The following DAP3 variants were observed in gnomAD, a reference collection of about 807,000 sequenced individuals.
The protein encoded by DAP3 is death associated protein 3.
Under a neutral mutation model 51.9 loss-of-function variants are expected in DAP3, and 28 were observed. The observed-to-expected ratio is 0.54, with a 90% CI of 0.40 to 0.74. DAP3 has a LOEUF of 0.74. DAP3 is among the 30% of genes least tolerant of loss of function. DAP3 has a pLI of 0.00. For synonymous variants in DAP3, 170 were observed against 170.3 expected (o/e 1.00, Z 0.01); for missense variants, 458 against 483.5 (o/e 0.95, Z 0.49).
chr1:155,688,678 A>G (rs1359994954), upstream of DAP3: 2 of 1,531,004 alleles, frequency 1.3e-6, no homozygotes, highest in Admixed American at 2.0e-5. Flanking sequence ...CGCGAGCCCA[A>G]GCCTTCTCCA....
intron 1 of DAP3, among the ~76,000 whole-genome samples, chr1:155,699,344 G>A (rs569952479): frequency 2.0e-5 from 3 of 152,288 alleles, no homozygotes; most frequent in South Asian, 2.1e-4. Flanking sequence ...TCAGAGGAGC[G>A]TCTTTCTTCT....
chr1:155,718,647 C>T (rs977013675), intron 3 of DAP3, among the ~76,000 whole-genome samples: 5 of 150,168 alleles, frequency 3.3e-5, no homozygotes, highest in Non-Finnish European at 5.9e-5. Context: ...GATCGTGCTA[C>T]TGCACTCCAG....
chr1:155,692,604 C>T (rs1479275570), intron 1 of DAP3, among the ~76,000 whole-genome samples: 1 of 142,088 alleles, frequency 7.0e-6, no homozygotes, highest in African/African-American at 3.2e-5. Context: ...CAGTCCCAGG[C>T]AGGAGAGTTA....
intron 1 of DAP3, among the ~76,000 whole-genome samples, chr1:155,694,280 G>A (rs1233924156): frequency 1.4e-5 from 2 of 141,226 alleles, no homozygotes; most frequent in Non-Finnish European, 2.9e-5. Context: ...TGGGTGAGAG[G>A]GCCCTTGAGT....
At chr1:155,693,101 A>G (rs1445754863) in intron 1 of DAP3, among the ~76,000 whole-genome samples, 1 of 141,688 alleles carries the variant, frequency 7.1e-6, no homozygotes, top group Admixed American at 6.6e-5. Context: ...GAGGCTTTCC[A>G]AGGTCTATTG....
Position 155,697,349 on chromosome 1 carries a change from G to A in DAP3, c.-8+8175G>A, listed in dbSNP as rs113021392. On this transcript the variant is annotated intron_variant, in intron 1 of 12. Coordinates refer to ENST00000368336, the MANE Select transcript of DAP3 (RefSeq NM_004632.4). The stretch of plus-strand genomic sequence containing the variant: ...TTTTCTGTGTAGGTTTAGGGAGACC[G>A]GGGGGATTGGTAGAAATCACCTCCG... Among the ~76,000 whole-genome samples the A allele has an allele frequency of 1.1e-4, 17 of 152,280 alleles. 1 individual carries two copies. Among genetic ancestry groups the A allele is most frequent in the African/African-American group, 3.9e-4 (16 of 41,542 alleles).
chr1:155,720,343 A>G (rs1461671040), intron 3 of DAP3, among the ~76,000 whole-genome samples: 1 of 149,680 alleles, frequency 6.7e-6, no homozygotes, highest in East Asian at 1.9e-4. Context: ...AAAAAAAAAA[A>G]AAAAAAAAAG....
At chr1:155,726,109 T>TTTTA in intron 6 of DAP3, 90 bp downstream of exon 6, 1 of 1,114,864 alleles carries the variant, frequency 9.0e-7, no homozygotes, top group Non-Finnish European at 1.3e-6. Flanking sequence ...TTTTCTTTTC[T>TTTTA]TTTCTTTTTT....
Position 155,689,120 on chromosome 1 carries a change from G to T in DAP3, c.-62G>T. 2.8e-6 allele frequency: 3 copies of T among 1,086,720 alleles called. No individual in the cohort carries two copies. The highest frequency in any genetic ancestry group is 4.0e-6 in the Non-Finnish European group (3 of 742,772). The allele number at this position is 1,086,720 out of a possible 1,614,324, so 67.3% of individuals were successfully genotyped here. A position where few individuals can be genotyped will look rare whatever the true frequency, so the allele number is the denominator to read the frequency against. ...TCTCAGGACGGGCGCTTTGGAGCCGGCCCCAGGCAGCGTGTGTCGGTCGCC... is the reference window on the plus strand; with the variant it reads ...TCTCAGGACGGGCGCTTTGGAGCCGTCCCCAGGCAGCGTGTGTCGGTCGCC... On this transcript the variant is annotated 5_prime_UTR_variant, in exon 1 of 13. Transcript: ENST00000368336.
chr1:155,700,829 G>A (rs1322575418), intron 1 of DAP3, among the ~76,000 whole-genome samples: 1 of 102,752 alleles, frequency 9.7e-6, no homozygotes, highest in African/African-American at 4.0e-5. Flanking sequence ...GGGAAGTGAG[G>A]AGCCCCTCTG....
Position 155,732,050 on chromosome 1 carries a change from A to G in DAP3, c.993+17A>G. 6.3e-7 allele frequency: 1 copy of G among 1,596,212 alleles called. No individual in the cohort carries two copies. The highest frequency in any genetic ancestry group is 8.5e-7 in the Non-Finnish European group (1 of 1,170,788). On this transcript the variant is annotated intron_variant, in intron 11 of 12. Transcript: ENST00000368336. Reference sequence around the variant, plus strand: ...CTGGGAAAGGTCAAGTCAAAGGAAAATTTGTTTCTACTTAGATTGTTATCC... The same window carrying G: ...CTGGGAAAGGTCAAGTCAAAGGAAAGTTTGTTTCTACTTAGATTGTTATCC...
chr1:155,738,079 C>A (rs1659990860), intron 12 of DAP3, 78 bp from the exon 13 acceptor site: 1 of 1,425,756 alleles, frequency 7.0e-7, no homozygotes, highest in African/African-American at 1.4e-5. Flanking sequence ...ATATGGTAGC[C>A]TCTGACTACA....
chr1:155,730,393 C>T (rs1034773572), intron 9 of DAP3, among the ~76,000 whole-genome samples: 1 of 151,686 alleles, frequency 6.6e-6, no homozygotes, highest in Non-Finnish European at 1.5e-5. Context: ...TGCTTGAGTC[C>T]AGGAGTTTGG....
chr1:155,732,411 A>G (rs1659340197), intron 11 of DAP3, among the ~76,000 whole-genome samples: 1 of 151,860 alleles, frequency 6.6e-6, no homozygotes, highest in Admixed American at 6.6e-5. Context: ...TTGTATTTTT[A>G]GTAGAGACGA....
At chr1:155,702,389 C>T (rs1571451590) in intron 1 of DAP3, among the ~76,000 whole-genome samples, 1 of 151,692 alleles carries the variant, frequency 6.6e-6, no homozygotes, top group Non-Finnish European at 1.5e-5. Context: ...AGGAGAGTGG[C>T]GTGAACCCGG....
intron 3 of DAP3, 29 bp from the exon 4 acceptor site, chr1:155,721,488 T>C (rs1468664092): frequency 1.9e-6 from 3 of 1,610,898 alleles, no homozygotes; most frequent in African/African-American, 2.7e-5. Flanking sequence ...TTTGTCACCA[T>C]TATACCTGTT....
At chr1:155,694,756 C>T (rs1257656844) in intron 1 of DAP3, among the ~76,000 whole-genome samples, 5 of 152,198 alleles carry the variant, frequency 3.3e-5, no homozygotes, top group Non-Finnish European at 7.3e-5. Context: ...TACAAACAAA[C>T]CCTCTTCCCC....
Position 155,732,938 on chromosome 1 carries a change from C to T in DAP3, c.993+905C>T, listed in dbSNP as rs138710584. On this transcript the variant is annotated intron_variant, in intron 11 of 12. Transcript: ENST00000368336. ...ACTCAGGAGGCCGAGGTAGGAGAAT[C>T]GCTTGAACCCGGGAGGTGGAGGTTG... Among the ~76,000 whole-genome samples, 1,337 of 152,240 alleles carry T rather than the reference C, an allele frequency of 8.8e-3. 24 individuals carry two copies. Among genetic ancestry groups the T allele is most frequent in the African/African-American group, 0.031 (1,277 of 41,554 alleles).
upstream of DAP3, chr1:155,688,629 G>A (rs1200922006): frequency 2.6e-6 from 4 of 1,534,522 alleles, no homozygotes; most frequent in East Asian, 4.9e-5. Flanking sequence ...ACCCTGTCAA[G>A]CCGGCTCCAG....
Sources: gnomAD v4.1 joint callset for allele counts (sites outside exome capture counted in the v4.1 genomes callset) on GRCh38, gnomAD v4.1.1 for gene constraint, MANE v1.5 for transcripts, NCBI Gene and HGNC (gene_info 2026-07-23, HGNC 2026-07-21) for gene names.